LMF1: variants seen among roughly 807,000 people sequenced by gnomAD.
LMF1 encodes the protein lipase maturation factor 1.
In LMF1, 68 loss-of-function variants were observed where a neutral mutation model predicts 60.6. That is an observed-to-expected ratio of 1.12 (90% CI 0.92 to 1.37). The LOEUF (loss-of-function observed/expected upper bound fraction) is 1.37, where lower values mean the gene tolerates loss of function less well. Ranked by LOEUF, LMF1 falls within the 40% of genes most tolerant of loss-of-function variation. The pLI, the probability that LMF1 is intolerant of heterozygous loss-of-function variation, is 0.00. For synonymous variants in LMF1, 418 were observed against 324.7 expected, an observed-to-expected ratio of 1.29 and a Z score of -3.09; for missense variants, 948 against 767.2, an observed-to-expected ratio of 1.24 and a Z score of -2.78.
intron 10 of LMF1, among the ~76,000 whole-genome samples, chr16:860,105 A>C (rs2069412166): frequency 6.6e-6 from 1 of 150,794 alleles, no homozygotes; most frequent in Non-Finnish European, 1.5e-5. Context: ...TTTTAGTATT[A>C]AGTTATGAAA....
At chr16:928,192 G>A (rs984346186) in intron 3 of LMF1, among the ~76,000 whole-genome samples, 10 of 152,176 alleles carry the variant, frequency 6.6e-5, no homozygotes, top group Non-Finnish European at 5.9e-5. Context: ...CACCCGCTAC[G>A]TGGATGGGCC....
Position 870,019 on chromosome 16 carries a change from G to A in LMF1, c.1280C>T (p.Ser427Phe), listed in dbSNP as rs1395024798. The A allele has an allele frequency of 6.2e-7, 1 of 1,612,634 alleles. No homozygotes were observed. ...CATGGCATCGGGGGCGCTGGCGTTGGAGCTGGCTGTGCCCTGCAGGATCAC... is the reference window on the plus strand; with the variant it reads ...CATGGCATCGGGGGCGCTGGCGTTGAAGCTGGCTGTGCCCTGCAGGATCAC... The part of the protein sequence containing the change: ...AEVILQGTAS[S>F]NASAPDAMWE... Residue 427 changes from serine to phenylalanine, a missense_variant, in exon 9 of 11, where the codon TCC (serine) becomes TTC (phenylalanine). Transcript: ENST00000262301.
intron 3 of LMF1, among the ~76,000 whole-genome samples, chr16:917,384 G>C (rs11866672): frequency 1.4e-5 from 1 of 73,044 alleles, no homozygotes; most frequent in Non-Finnish European, 2.4e-5. Flanking sequence ...ACACGTGTGC[G>C]CTGCGGGCGG....
rs564360380 is a variant in LMF1, at chr16:917,621, C to G, written c.515-6542G>C. The stretch of plus-strand genomic sequence containing the variant: ...TGTCCAGGCCCGCTGACCCCTCCGG[C>G]TCACTGGAGATGACCAGGCAGGGCT... On this transcript the variant is annotated intron_variant, in intron 3 of 10. Coordinates refer to ENST00000262301, the MANE Select transcript of LMF1 (RefSeq NM_022773.4). Among the ~76,000 whole-genome samples, 3 of 152,352 alleles carry G rather than the reference C, an allele frequency of 2.0e-5. No homozygotes were observed. The South Asian group carries it at 6.2e-4, about 32-fold the overall frequency.
At chr16:929,802 G>A (rs139402485) in intron 3 of LMF1, among the ~76,000 whole-genome samples, 1,874 of 152,398 alleles carry the variant, frequency 0.012, 23 homozygotes, top group South Asian at 0.097. Context: ...GGAAAGCGCG[G>A]CCCTGACGAA....
intron 6 of LMF1, chr16:871,587 G>A: frequency 3.6e-6 from 2 of 551,128 alleles, no homozygotes; most frequent in Non-Finnish European, 6.5e-6. Context: ...ACATTTCTGT[G>A]CAGGTTCTGT....
chr16:972,938 G>A (rs999388814), upstream of LMF1, among the ~76,000 whole-genome samples: 12 of 152,226 alleles, frequency 7.9e-5, no homozygotes, highest in African/African-American at 2.9e-4. Flanking sequence ...TGCCCAGAAT[G>A]GCTCCAGAGC....
At chr16:889,382 G>A (rs181499297) in intron 5 of LMF1, among the ~76,000 whole-genome samples, 85 of 147,578 alleles carry the variant, frequency 5.8e-4, no homozygotes, top group South Asian at 5.0e-3. Flanking sequence ...GTGAGGCTGC[G>A]GATGGCCGTG....
In LMF1 at chr16:870,780, T is replaced by A; in HGVS notation, c.1181A>T (p.Asn394Ile). The change falls in exon 8 of 11, where the codon AAC becomes ATC. Residue 394 changes from asparagine (N) to isoleucine (I), a missense_variant. Physicochemically the swap from Asn to Ile is moderately radical, Grantham distance 149. Transcript: ENST00000262301. ...LNLLSSRQVMNTHFNSLHIVN... is the reference protein window; with the variant it reads ...LNLLSSRQVMITHFNSLHIVN... ...GATGTGAAGAGAGTTGAAGTGGGTG[T>A]TCATGACCTGCCTGGAGCTCAGCAA... The A allele has an allele frequency of 5.6e-6, 9 of 1,612,860 alleles. No homozygotes were observed. Among genetic ancestry groups the A allele is most frequent in the Non-Finnish European group, 7.6e-6 (9 of 1,179,690 alleles).
chr16:940,606 C>T (rs565295865), intron 2 of LMF1, among the ~76,000 whole-genome samples: 6 of 152,192 alleles, frequency 3.9e-5, no homozygotes, highest in South Asian at 2.1e-4. Flanking sequence ...AACCCAACGC[C>T]GAACCCTATT....
chr16:915,803 G>A (rs888914764), intron 3 of LMF1, among the ~76,000 whole-genome samples: 1 of 152,190 alleles, frequency 6.6e-6, no homozygotes, highest in East Asian at 1.9e-4. Flanking sequence ...TCAGGCGGGT[G>A]AGATGAGCAC....
chr16:911,341 C>T (rs906817696), intron 3 of LMF1, among the ~76,000 whole-genome samples: 12 of 152,174 alleles, frequency 7.9e-5, no homozygotes, highest in Middle Eastern at 3.4e-3. Context: ...GGAAAGGCCC[C>T]GCTCTGAGGT....
At chr16:929,170 C>A (rs1195368136) in intron 3 of LMF1, among the ~76,000 whole-genome samples, 1 of 152,218 alleles carries the variant, frequency 6.6e-6, no homozygotes, top group Non-Finnish European at 1.5e-5. Context: ...TGCCCCAGGC[C>A]TGGGAGGGGC....
intron 2 of LMF1, among the ~76,000 whole-genome samples, chr16:940,207 C>T (rs1324108722): frequency 6.6e-6 from 1 of 152,162 alleles, no homozygotes; most frequent in Non-Finnish European, 1.5e-5. Context: ...GGAACTGGCC[C>T]TGCCGACACC....
At chr16:977,078 C>T (rs1274600932) in intron 1 of LMF1, 1 of 454,116 alleles carries the variant, frequency 2.2e-6, no homozygotes, top group East Asian at 6.9e-5. Context: ...CTACAGAGGC[C>T]CAGAAAGCAC....
intron 4 of LMF1, among the ~76,000 whole-genome samples, chr16:895,629 G>T (rs1236742670): frequency 6.6e-6 from 1 of 152,182 alleles, no homozygotes; most frequent in Non-Finnish European, 1.5e-5. Flanking sequence ...ACTGGCGGGG[G>T]AGTGGGAGAG....
At position 870,722 on chromosome 16, in the gene LMF1, C is replaced by A. The variant is rs748732708; in HGVS notation, c.1232+7G>T. 2 of 1,612,402 alleles carry A rather than the reference C, an allele frequency of 1.2e-6. No homozygotes were observed. The highest frequency in any genetic ancestry group is 2.7e-5 in the African/African-American group (2 of 74,922). ...AGCTCCGGGGGACGGGGACCCCAGG[C>A]TCATACCTTCCGAAGGCCCCGTAAG... On this transcript the variant is annotated splice_region_variant and intron_variant, in intron 8 of 10. Coordinates refer to ENST00000262301, the MANE Select transcript of LMF1 (RefSeq NM_022773.4).
intron 5 of LMF1, among the ~76,000 whole-genome samples, chr16:890,523 G>A (rs541558772): frequency 6.6e-6 from 1 of 152,294 alleles, no homozygotes; most frequent in South Asian, 2.1e-4. Context: ...CTCTCTGTGA[G>A]CCAAGGCTCA....
At chr16:908,473 C>T (rs1172295502) in intron 4 of LMF1, among the ~76,000 whole-genome samples, 3 of 152,178 alleles carry the variant, frequency 2.0e-5, no homozygotes, top group Non-Finnish European at 2.9e-5. Context: ...ATGTTTCCCT[C>T]CCGCTGTGCC....
Sources: allele counts gnomAD v4.1 joint callset (sites outside exome capture counted in the v4.1 genomes callset), GRCh38; gene constraint gnomAD v4.1.1; transcripts MANE v1.5; gene names NCBI Gene and HGNC (gene_info 2026-07-23, HGNC 2026-07-21).